The following VRK2 variants were observed in gnomAD, a reference collection of about 807,000 sequenced individuals.
The protein encoded by VRK2 is VRK serine/threonine kinase 2.
VRK2 carries 60 observed loss-of-function variants against 57.6 expected under a neutral mutation model. That is an observed-to-expected ratio of 1.04 (90% CI 0.85 to 1.29). The LOEUF (loss-of-function observed/expected upper bound fraction) is 1.29, where lower values mean the gene tolerates loss of function less well. Among genes scored for constraint, VRK2 ranks in the 50% most tolerant of loss-of-function variants. VRK2 has a pLI of 0.00. For missense variants in VRK2, 705 were observed against 588.1 expected, an observed-to-expected ratio of 1.20 and a Z score of -2.06; for synonymous variants, 231 against 199.2, an observed-to-expected ratio of 1.16 and a Z score of -1.35.
At chr2:58,082,924 A>G (rs185468711) in intron 2 of VRK2, among the ~76,000 whole-genome samples, 4 of 151,936 alleles carry the variant, frequency 2.6e-5, no homozygotes, top group Admixed American at 2.6e-4. Flanking sequence ...CAATTTATAT[A>G]TTTTAATAAA....
intron 1 of VRK2, chr2:58,047,142 C>T (rs1674905488): frequency 1.8e-5 from 6 of 337,782 alleles, no homozygotes; most frequent in African/African-American, 2.2e-5. Flanking sequence ...GGTGGAGTTT[C>T]TCTTTTTGCC....
At chr2:58,070,762 G>A (rs149051413) in intron 2 of VRK2, among the ~76,000 whole-genome samples, 65 of 152,226 alleles carry the variant, frequency 4.3e-4, no homozygotes, top group Admixed American at 7.9e-4. Flanking sequence ...GAGTAAAGCG[G>A]ATATAAATGT....
intron 1 of VRK2, among the ~76,000 whole-genome samples, chr2:57,930,965 G>A (rs1670703225): frequency 6.6e-6 from 1 of 151,858 alleles, no homozygotes; most frequent in Admixed American, 6.6e-5. Context: ...ACATATACAT[G>A]TACTGAGTAT....
chr2:58,076,570 G>A (rs1347357326), intron 2 of VRK2, among the ~76,000 whole-genome samples: 2 of 151,818 alleles, frequency 1.3e-5, no homozygotes, highest in African/African-American at 4.8e-5. Flanking sequence ...TTGAAATACT[G>A]ATTTGTTTCC....
intron 2 of VRK2, among the ~76,000 whole-genome samples, chr2:58,058,899 C>T (rs1676932032): frequency 6.6e-6 from 1 of 152,016 alleles, no homozygotes; most frequent in Non-Finnish European, 1.5e-5. Flanking sequence ...ACTGATGTCC[C>T]TTGTCCAAGA....
chr2:58,044,997 C>T (rs1458469935), upstream of VRK2, among the ~76,000 whole-genome samples: 2 of 152,116 alleles, frequency 1.3e-5, no homozygotes, highest in Non-Finnish European at 2.9e-5. Context: ...CTCCCAAACC[C>T]CCAACAAAGA....
chr2:58,034,801 AC>A (rs887686023), intron 3 of VRK2, among the ~76,000 whole-genome samples: 11 of 151,652 alleles, frequency 7.3e-5, no homozygotes, highest in Admixed American at 3.3e-4. Flanking sequence ...AAAAAAAAAA[AC>A]TTCACTTATT....
At chr2:57,947,162 A>G (rs1671287017) in intron 1 of VRK2, among the ~76,000 whole-genome samples, 1 of 152,174 alleles carries the variant, frequency 6.6e-6, no homozygotes, top group Admixed American at 6.5e-5. Context: ...TATTAAGTAA[A>G]CAAAAACAGA....
intron 3 of VRK2, among the ~76,000 whole-genome samples, chr2:58,034,800 A>C (rs1016367585): frequency 2.0e-5 from 3 of 152,054 alleles, no homozygotes; most frequent in Admixed American, 2.0e-4. Flanking sequence ...CAAAAAAAAA[A>C]ACTTCACTTA....
At chr2:57,949,503 G>A (rs1483911888) in intron 1 of VRK2, among the ~76,000 whole-genome samples, 3 of 152,068 alleles carry the variant, frequency 2.0e-5, no homozygotes, top group Non-Finnish European at 2.9e-5. Context: ...ACCATGGACC[G>A]CGCCTACATA....
At position 58,146,486 on chromosome 2, in the gene VRK2, GT is replaced by G; in HGVS notation, c.1182+15del. 6.3e-7 allele frequency: 1 copy of G among 1,598,186 alleles called. No homozygotes were observed. The highest frequency in any genetic ancestry group is 8.5e-7 in the Non-Finnish European group (1 of 1,172,908). On this transcript the variant is annotated intron_variant, in intron 12 of 12. Transcript: ENST00000340157. ...ATGAAGCAGCTCAGGTGAGAGGGTT[GT>G]TTGTGTGTGTTTTTTCTAACTTAAT...
Position 57,966,694 on chromosome 2 carries a change from T to TAAA in VRK2, c.-439+58855_-439+58856insAAA, listed in dbSNP as rs1491281860. 5.0e-4 allele frequency among the ~76,000 whole-genome samples: 73 copies of TAAA among 146,694 alleles called. 2 individuals are homozygous for TAAA. Among genetic ancestry groups the TAAA allele is most frequent in the African/African-American group, 1.8e-3 (72 of 39,704 alleles). On this transcript the variant is annotated intron_variant, in intron 1 of 15. Coordinates refer to the VRK2 transcript ENST00000417641. ...ATGAAGGTTGAATAATTCTGGAAAC[T>TAAA]TAAAGTAAAAACAGATACAAAATAT...
intron 1 of VRK2, among the ~76,000 whole-genome samples, chr2:57,990,327 C>A (rs1672723956): frequency 2.0e-5 from 3 of 152,190 alleles, no homozygotes; most frequent in Admixed American, 6.5e-5. Flanking sequence ...AGTCTTTATA[C>A]AGTTCCCCTT....
intron 1 of VRK2, chr2:58,047,373 G>GA (rs1368021803): frequency 1.0e-6 from 1 of 973,274 alleles, no homozygotes; most frequent in African/African-American, 1.8e-5. Flanking sequence ...TTAGCCCTGG[G>GA]AAGGTACCCA....
chr2:58,145,097 T>C (rs912292367), intron 11 of VRK2, among the ~76,000 whole-genome samples: 1 of 152,144 alleles, frequency 6.6e-6, no homozygotes, highest in African/African-American at 2.4e-5. Flanking sequence ...TTTCAGCTGC[T>C]ATAAACATGA....
intron 10 of VRK2, among the ~76,000 whole-genome samples, chr2:58,137,215 C>CT (rs1558687204): frequency 1.4e-3 from 56 of 40,746 alleles, no homozygotes; most frequent in African/African-American, 0.011. Context: ...ATATATGATA[C>CT]ATATATATCA....
At chr2:58,125,835 G>A (rs1678262332) in intron 8 of VRK2, among the ~76,000 whole-genome samples, 1 of 151,888 alleles carries the variant, frequency 6.6e-6, no homozygotes, top group Non-Finnish European at 1.5e-5. Context: ...GTTTTAGTCT[G>A]GGATATAAAA....
chr2:58,041,554 C>T (rs1409836714), intron 3 of VRK2, among the ~76,000 whole-genome samples: 1 of 151,966 alleles, frequency 6.6e-6, no homozygotes, highest in Non-Finnish European at 1.5e-5. Flanking sequence ...ATACCAGGCC[C>T]TGAAAAAAAA....
intron 1 of VRK2, among the ~76,000 whole-genome samples, chr2:57,981,240 G>C (rs1672414602): frequency 6.6e-6 from 1 of 152,136 alleles, no homozygotes; most frequent in African/African-American, 2.4e-5. Flanking sequence ...CCATGGTAAT[G>C]AATTCCTTAG....
Sources: gnomAD v4.1 joint callset for allele counts (sites outside exome capture counted in the v4.1 genomes callset) on GRCh38, gnomAD v4.1.1 for gene constraint, MANE v1.5 for transcripts, NCBI Gene and HGNC (gene_info 2026-07-23, HGNC 2026-07-21) for gene names.